ASB3: variants seen among roughly 807,000 people sequenced by gnomAD.
ASB3 encodes the protein ankyrin repeat and SOCS box protein 3.
ASB3 carries 41 observed loss-of-function variants against 54.5 expected under a neutral mutation model. The ratio of observed to expected loss-of-function variants is 0.75; its 90% CI spans 0.59 to 0.98. ASB3 has a LOEUF of 0.98. Ranked by LOEUF, ASB3 falls within the 50% of genes least tolerant of loss-of-function variation. The pLI is 0.00. For missense variants in ASB3, 733 were observed against 620.0 expected (o/e 1.18, Z -1.94); for synonymous variants, 266 against 221.2 (o/e 1.20, Z -1.80).
chr2:53,729,424 T>C (rs1671179705), intron 4 of ASB3, 34 bp downstream of exon 4: 7 of 1,607,488 alleles, frequency 4.4e-6, no homozygotes, highest in African/African-American at 1.3e-5. Context: ...ACACACAATT[T>C]ACATGGAAAT....
chr2:53,766,961 T>C (rs1281401830), intron 1 of ASB3, among the ~76,000 whole-genome samples: 1 of 152,150 alleles, frequency 6.6e-6, no homozygotes, highest in Non-Finnish European at 1.5e-5. Flanking sequence ...GACACAGCCA[T>C]GATAGTCCAA....
intron 1 of ASB3, among the ~76,000 whole-genome samples, chr2:53,777,212 C>T (rs768792627): frequency 3.3e-5 from 5 of 152,186 alleles, no homozygotes; most frequent in Non-Finnish European, 5.9e-5. Flanking sequence ...TTTTTAACTA[C>T]ACAGTGCTTC....
chr2:53,725,535 T>C (rs1418627586), intron 5 of ASB3, among the ~76,000 whole-genome samples: 1 of 152,242 alleles, frequency 6.6e-6, no homozygotes, highest in Admixed American at 6.5e-5. Flanking sequence ...ACCTCACTTT[T>C]TGTGAAGATT....
chr2:53,712,401 A>G (rs1268000521), intron 7 of ASB3, among the ~76,000 whole-genome samples: 1 of 152,144 alleles, frequency 6.6e-6, no homozygotes, highest in Non-Finnish European at 1.5e-5. Context: ...AAAATGGTCA[A>G]TTAGTGTTAC....
intron 3 of ASB3, among the ~76,000 whole-genome samples, chr2:53,747,417 G>A (rs1247207886): frequency 6.6e-6 from 1 of 152,062 alleles, no homozygotes; most frequent in African/African-American, 2.4e-5. Flanking sequence ...GTGGTGGCGG[G>A]GGCTTGTAAT....
chr2:53,717,600 G>C (rs752971616), intron 5 of ASB3, among the ~76,000 whole-genome samples: 22 of 152,038 alleles, frequency 1.4e-4, no homozygotes, highest in Non-Finnish European at 1.2e-4. Flanking sequence ...AGATGAAAAG[G>C]AACTACCCCA....
At chr2:53,744,576 C>G (rs1241611785) in intron 3 of ASB3, among the ~76,000 whole-genome samples, 1 of 151,962 alleles carries the variant, frequency 6.6e-6, no homozygotes, top group East Asian at 1.9e-4. Flanking sequence ...AAGAACATGT[C>G]CTCAAGTAAA....
intron 3 of ASB3, among the ~76,000 whole-genome samples, chr2:53,730,406 A>G (rs1165592077): frequency 6.6e-6 from 1 of 152,198 alleles, no homozygotes; most frequent in Non-Finnish European, 1.5e-5. Context: ...AAAGGAAGGT[A>G]AGACATGTAT....
At chr2:53,700,228 T>C (rs1239598095) in intron 8 of ASB3, 43 bp downstream of exon 8, 5 of 1,580,488 alleles carry the variant, frequency 3.2e-6, no homozygotes, top group Non-Finnish European at 4.3e-6. Context: ...AGGTAGTATA[T>C]TCACTCAAAA....
intron 1 of ASB3, among the ~76,000 whole-genome samples, chr2:53,772,941 T>C (rs561560858): frequency 3.3e-5 from 5 of 152,192 alleles, no homozygotes; most frequent in Non-Finnish European, 7.3e-5. Flanking sequence ...AAGTTTTATT[T>C]AACCAACAAT....
intron 7 of ASB3, among the ~76,000 whole-genome samples, chr2:53,703,727 G>C (rs1230147316): frequency 6.6e-6 from 1 of 152,092 alleles, no homozygotes; most frequent in Non-Finnish European, 1.5e-5. Context: ...GTGCAAGAAA[G>C]TCCACAAATA....
At chr2:53,778,736 A>G (rs1674489694) in intron 1 of ASB3, among the ~76,000 whole-genome samples, 1 of 152,200 alleles carries the variant, frequency 6.6e-6, no homozygotes, top group Non-Finnish European at 1.5e-5. Flanking sequence ...TTAAGGCTGA[A>G]TAGTATTCCA....
chr2:53,675,891 T>C (rs1314100630), intron 9 of ASB3, among the ~76,000 whole-genome samples: 1 of 152,218 alleles, frequency 6.6e-6, no homozygotes, highest in African/African-American at 2.4e-5. Context: ...TGCTTGGCTT[T>C]AACCTGCATT....
At chr2:53,783,122 A>C (rs1674746340) in intron 1 of ASB3, among the ~76,000 whole-genome samples, 1 of 152,244 alleles carries the variant, frequency 6.6e-6, no homozygotes, top group East Asian at 1.9e-4. Flanking sequence ...AAGGATGAAA[A>C]TAAACAACTG....
chr2:53,731,109 A>C (rs565075644), intron 3 of ASB3, among the ~76,000 whole-genome samples: 5 of 152,198 alleles, frequency 3.3e-5, no homozygotes, highest in Non-Finnish European at 5.9e-5. Flanking sequence ...GTTCTTTAAT[A>C]AAAAATTCTC....
At chr2:53,711,771 CAA>C (rs112948336) in intron 7 of ASB3, among the ~76,000 whole-genome samples, 1 of 140,902 alleles carries the variant, frequency 7.1e-6, no homozygotes, top group Non-Finnish European at 1.6e-5. Context: ...GAGACAGTCT[CAA>C]AAAAAAAAAG....
chr2:53,675,536 GA>G, intron 9 of ASB3, among the ~76,000 whole-genome samples: 1 of 152,256 alleles, frequency 6.6e-6, no homozygotes, highest in East Asian at 1.9e-4. Flanking sequence ...GGATGTAGCT[GA>G]AATAAGGTCT....
intron 7 of ASB3, among the ~76,000 whole-genome samples, chr2:53,712,843 A>T (rs1670183280): frequency 6.6e-6 from 1 of 152,246 alleles, no homozygotes; most frequent in South Asian, 2.1e-4. Flanking sequence ...TAACGGACTT[A>T]AGATTTGGGA....
intron 5 of ASB3, among the ~76,000 whole-genome samples, chr2:53,725,497 G>A (rs570255507): frequency 6.6e-6 from 1 of 151,896 alleles, no homozygotes; most frequent in Admixed American, 6.6e-5. Context: ...TTATATATAC[G>A]CCATTGTATA....
Sources: allele counts gnomAD v4.1 joint callset (sites outside exome capture counted in the v4.1 genomes callset), GRCh38; gene constraint gnomAD v4.1.1; transcripts MANE v1.5; gene names NCBI Gene and HGNC (gene_info 2026-07-23, HGNC 2026-07-21).